The following LZTFL1 variants were observed in gnomAD, a reference collection of about 807,000 sequenced individuals.
The protein encoded by LZTFL1 is leucine zipper transcription factor-like protein 1.
A neutral mutation model predicts 45.9 loss-of-function variants in LZTFL1; 25 were observed. That is an observed-to-expected ratio of 0.54 (90% CI 0.40 to 0.76). The LOEUF (loss-of-function observed/expected upper bound fraction) is 0.76. LZTFL1 is among the 30% of genes least tolerant of loss of function. The pLI is 0.00. For missense variants in LZTFL1, 277 were observed against 331.1 expected (o/e 0.84, Z 1.27); for synonymous variants, 93 against 117.4 (o/e 0.79, Z 1.35).
chr3:45,834,482 A>C (rs1047132272), intron 3 of LZTFL1, 184 bp from the exon 4 acceptor site: 2 of 482,634 alleles, frequency 4.1e-6, no homozygotes, highest in Admixed American at 6.9e-5. Flanking sequence ...CATGGACTCA[A>C]ATGTAATCAT....
At chr3:45,834,168 T>A in intron 4 of LZTFL1, 70 bp downstream of exon 4, 1 of 850,532 alleles carries the variant, frequency 1.2e-6, no homozygotes, top group Non-Finnish European at 1.9e-6. Context: ...GATCTCTGAA[T>A]TCTTTGAGCA....
chr3:45,910,748 G>A (rs1418533530), intron 2 of LZTFL1, among the ~76,000 whole-genome samples: 1 of 152,196 alleles, frequency 6.6e-6, no homozygotes, highest in Non-Finnish European at 1.5e-5. Context: ...TAAGAACCTT[G>A]CTTGTATTCA....
intron 2 of LZTFL1, among the ~76,000 whole-genome samples, chr3:45,837,437 C>T (rs547772487): frequency 7.9e-5 from 12 of 152,294 alleles, no homozygotes; most frequent in South Asian, 6.2e-4. Flanking sequence ...AAATCAGCTA[C>T]GGTCCAACCA....
At chr3:45,893,843 G>T (rs1291324276) in intron 2 of LZTFL1, among the ~76,000 whole-genome samples, 2 of 152,206 alleles carry the variant, frequency 1.3e-5, no homozygotes, top group Non-Finnish European at 2.9e-5. Flanking sequence ...GTGAGTGCAT[G>T]TATAACGTCT....
chr3:45,872,931 G>C (rs767526535), intron 2 of LZTFL1, among the ~76,000 whole-genome samples: 9 of 152,226 alleles, frequency 5.9e-5, no homozygotes, highest in Non-Finnish European at 1.3e-4. Context: ...GTCTTAGAAA[G>C]AGTATTCTAA....
intron 2 of LZTFL1, among the ~76,000 whole-genome samples, chr3:45,882,653 G>C (rs761675156): frequency 6.6e-6 from 1 of 152,114 alleles, no homozygotes; most frequent in Non-Finnish European, 1.5e-5. Context: ...CAGCACTCCT[G>C]TTGGCCCCTG....
At chr3:45,869,930 A>C (rs755399881) in intron 2 of LZTFL1, among the ~76,000 whole-genome samples, 1 of 152,268 alleles carries the variant, frequency 6.6e-6, no homozygotes, top group Non-Finnish European at 1.5e-5. Context: ...GAGAGAGACC[A>C]GTTATGTCAA....
chr3:45,842,111 G>C lies in LZTFL1; in HGVS notation c.-120C>G. ...ATGGGGAAGGAGGGTAGGTTGTTTAGAAGCCTCTGGTTGCTAACGGAAACC... is the reference window on the plus strand; with the variant it reads ...ATGGGGAAGGAGGGTAGGTTGTTTACAAGCCTCTGGTTGCTAACGGAAACC... On this transcript the variant is annotated 5_prime_UTR_variant, in exon 1 of 10. Transcript: ENST00000296135. 6.5e-7 allele frequency: 1 copy of C among 1,544,722 alleles called. No homozygotes were observed. The highest frequency in any genetic ancestry group is 1.2e-5 in the South Asian group (1 of 84,178).
intron 4 of LZTFL1, among the ~76,000 whole-genome samples, chr3:45,848,988 A>T (rs1255114060): frequency 6.6e-6 from 1 of 152,210 alleles, no homozygotes; most frequent in East Asian, 1.9e-4. Context: ...AATGTTGTTC[A>T]GGTGCAACTG....
chr3:45,885,070 T>C (rs1051274869), intron 2 of LZTFL1, among the ~76,000 whole-genome samples: 1 of 152,178 alleles, frequency 6.6e-6, no homozygotes, highest in African/African-American at 2.4e-5. Context: ...AGATGACCTA[T>C]TTGTTGGCCT....
chr3:45,832,733 T>TA (rs895227140), intron 5 of LZTFL1: 5 of 194,136 alleles, frequency 2.6e-5, no homozygotes, highest in Middle Eastern at 2.1e-3. Context: ...GGCTAATTGA[T>TA]AAATAATTTT....
chr3:45,883,576 G>C (rs1047792805), intron 2 of LZTFL1: 7 of 289,044 alleles, frequency 2.4e-5, no homozygotes, highest in African/African-American at 1.5e-4. Context: ...GTTGAATGGC[G>C]TGACAAAGTG....
Position 45,827,516 on chromosome 3 carries a change from C to T in LZTFL1, c.778-57G>A. 4.9e-6 allele frequency: 5 copies of T among 1,021,498 alleles called. No homozygotes were observed. The South Asian group carries it at 6.8e-5, about 14-fold the overall frequency. The allele number at this position is 1,021,498 out of a possible 1,614,324, so 63.3% of individuals were successfully genotyped here. A position where few individuals can be genotyped will look rare whatever the true frequency, so the allele number is the denominator to read the frequency against. ...AAAAAATAGTTAAGGAAAGAGATAA[C>T]AAATGCGATAAAAATATGTAGTTTT... On this transcript the variant is annotated intron_variant, in intron 8 of 9. Transcript: ENST00000296135.
chr3:45,882,827 T>C (rs200556993), intron 2 of LZTFL1, among the ~76,000 whole-genome samples: 1 of 133,172 alleles, frequency 7.5e-6, no homozygotes, highest in African/African-American at 2.9e-5. Context: ...ATTATTATTA[T>C]TATTATTAAC....
At chr3:45,834,016 T>C (rs898560106) in intron 4 of LZTFL1, among the ~76,000 whole-genome samples, 2 of 152,228 alleles carry the variant, frequency 1.3e-5, no homozygotes, top group African/African-American at 2.4e-5. Flanking sequence ...TTAGGGATCA[T>C]GTGTATGTGT....
intron 1 of LZTFL1, among the ~76,000 whole-genome samples, chr3:45,913,490 T>G (rs1279682134): frequency 6.6e-6 from 1 of 152,216 alleles, no homozygotes; most frequent in Non-Finnish European, 1.5e-5. Context: ...TACTAATGCA[T>G]TACATAAAAT....
At position 45,835,661 on chromosome 3, in the gene LZTFL1, C is replaced by T. The variant is rs759437268; in HGVS notation, c.252G>A (p.Leu84=). ...INTAYTNVLL[L]RQLFAQAEKW... ...TCTCAGCTTGTGCAAACAGCTGTCGCAGAAGTAACACATTGGTATAGGCAG... is the reference window on the plus strand; with the variant it reads ...TCTCAGCTTGTGCAAACAGCTGTCGTAGAAGTAACACATTGGTATAGGCAG... Residue 84 remains leucine, a synonymous_variant, in exon 3 of 10, where the codon CTG becomes CTA. Coordinates refer to ENST00000296135, the MANE Select transcript of LZTFL1 (RefSeq NM_020347.4). 1.9e-6 allele frequency: 3 copies of T among 1,614,154 alleles called. No homozygotes were observed. Among genetic ancestry groups the T allele is most frequent in the Non-Finnish European group, 2.5e-6 (3 of 1,179,986 alleles).
At chr3:45,883,387 T>C (rs576701738) in intron 2 of LZTFL1, among the ~76,000 whole-genome samples, 10 of 152,220 alleles carry the variant, frequency 6.6e-5, no homozygotes, top group African/African-American at 2.2e-4. Context: ...GTGAGTCTTA[T>C]AAGAAGCTGG....
chr3:45,879,756 C>T (rs1292083391), intron 2 of LZTFL1, among the ~76,000 whole-genome samples: 3 of 152,096 alleles, frequency 2.0e-5, no homozygotes, highest in African/African-American at 4.8e-5. Flanking sequence ...GCTGCGGGAG[C>T]GGGTATATAG....
Sources: allele counts gnomAD v4.1 joint callset (sites outside exome capture counted in the v4.1 genomes callset), GRCh38; gene constraint gnomAD v4.1.1; transcripts MANE v1.5; gene names NCBI Gene and HGNC (gene_info 2026-07-23, HGNC 2026-07-21).